Variants in GPC6 observed in about 807,000 individuals in gnomAD.
GPC6 encodes the protein glypican-6.
Under a neutral mutation model 55.2 loss-of-function variants are expected in GPC6, and 14 were observed. That is an observed-to-expected ratio of 0.25 (90% confidence interval 0.17 to 0.40). The LOEUF (loss-of-function observed/expected upper bound fraction) is 0.40. GPC6 is among the 10% of genes least tolerant of loss of function. The pLI, the probability that GPC6 is intolerant of heterozygous loss-of-function variation, is 1.00. For synonymous variants in GPC6, 278 were observed against 259.6 expected (o/e 1.07, Z -0.68); for missense variants, 641 against 708.5 (o/e 0.90, Z 1.08).
intron 4 of GPC6, among the ~76,000 whole-genome samples, chr13:94,077,777 G>T (rs1486175285): frequency 2.6e-5 from 4 of 151,716 alleles, no homozygotes; most frequent in African/African-American, 9.7e-5. Context: ...CATATTTATT[G>T]TTTTGTGTAT....
intron 1 of GPC6, among the ~76,000 whole-genome samples, chr13:93,351,028 AG>A (rs1238216631): frequency 3.9e-5 from 6 of 152,292 alleles, no homozygotes; most frequent in African/African-American, 1.4e-4. Flanking sequence ...TTTTTTATAA[AG>A]TATAACAACA....
chr13:93,724,835 T>C (rs946092087), intron 2 of GPC6, among the ~76,000 whole-genome samples: 1 of 152,050 alleles, frequency 6.6e-6, no homozygotes, highest in Non-Finnish European at 1.5e-5. Context: ...TTCATAGCAG[T>C]ATGATGAAAA....
chr13:94,355,539 G>A lies in GPC6; in HGVS notation c.1153-26875G>A, dbSNP rs183012141. On this transcript the variant is annotated intron_variant, in intron 6 of 8. Coordinates refer to ENST00000377047, the MANE Select transcript of GPC6 (RefSeq NM_005708.5). ...GAGGGAGTCATGTTTCAAGGGAAAA[G>A]TGTGAGACTATCTCTTGTGAAAATG... Among the ~76,000 whole-genome samples the A allele has an allele frequency of 7.4e-3, 1,127 of 152,342 alleles. 9 individuals carry two copies. The highest frequency in any genetic ancestry group is 0.014 in the Middle Eastern group (4 of 294).
rs564954237 is a variant in GPC6, at chr13:94,216,430, T to A, written c.878-69919T>A. ...ACTTCACATTGTGCAAAATACTATG[T>A]AAATATCAACAGTTATTATTATAAA... On this transcript the variant is annotated intron_variant, in intron 4 of 8. Transcript: ENST00000377047. Among the ~76,000 whole-genome samples the A allele has an allele frequency of 6.6e-5, 10 of 152,320 alleles. No individual in the cohort carries two copies. The South Asian group carries it at 2.1e-3, about 32-fold the overall frequency.
chr13:93,230,888 C>G (rs1429593220), intron 1 of GPC6, among the ~76,000 whole-genome samples: 2 of 152,062 alleles, frequency 1.3e-5, no homozygotes, highest in Non-Finnish European at 2.9e-5. Flanking sequence ...CTGTTTTATG[C>G]CTTGAGTCTT....
At chr13:94,280,668 T>G (rs1892352914) in intron 4 of GPC6, among the ~76,000 whole-genome samples, 1 of 152,216 alleles carries the variant, frequency 6.6e-6, no homozygotes, top group Non-Finnish European at 1.5e-5. Context: ...TCACAGTGCT[T>G]TTTAAATTGC....
chr13:94,288,934 G>T (rs372964090), intron 5 of GPC6, among the ~76,000 whole-genome samples: 4,398 of 22,550 alleles, frequency 0.2, 118 homozygotes, highest in East Asian at 0.32. Flanking sequence ...AACAAATATA[G>T]ATAGATAGAT....
At chr13:94,328,894 A>G (rs891127505) in intron 6 of GPC6, among the ~76,000 whole-genome samples, 2 of 152,152 alleles carry the variant, frequency 1.3e-5, no homozygotes, top group African/African-American at 4.8e-5. Flanking sequence ...CCAGGGGTGA[A>G]CTGCAGAGGC....
chr13:93,657,893 C>A (rs917590413), intron 2 of GPC6, among the ~76,000 whole-genome samples: 1 of 151,744 alleles, frequency 6.6e-6, no homozygotes, highest in Admixed American at 6.6e-5. Flanking sequence ...CAAATCAAAA[C>A]CATAAGGAAA....
chr13:93,922,597 C>T (rs1594590534), intron 3 of GPC6, among the ~76,000 whole-genome samples: 1 of 152,112 alleles, frequency 6.6e-6, no homozygotes, highest in Non-Finnish European at 1.5e-5. Flanking sequence ...TTCCTCTTCC[C>T]CCCAGCTATG....
intron 2 of GPC6, among the ~76,000 whole-genome samples, chr13:93,630,209 A>T (rs1415759297): frequency 6.6e-6 from 1 of 152,206 alleles, no homozygotes; most frequent in African/African-American, 2.4e-5. Context: ...TATTAGGCAT[A>T]TCTTCTCAGT....
At chr13:93,601,444 C>A (rs1437716606) in intron 2 of GPC6, among the ~76,000 whole-genome samples, 1 of 152,074 alleles carries the variant, frequency 6.6e-6, no homozygotes, top group Non-Finnish European at 1.5e-5. Context: ...GGACCACTTA[C>A]TTCATACTTT....
chr13:93,309,568 G>C (rs1166196347), intron 1 of GPC6, among the ~76,000 whole-genome samples: 9 of 152,098 alleles, frequency 5.9e-5, no homozygotes, highest in East Asian at 1.9e-4. Context: ...AACTATAATT[G>C]GTAGAGGCAG....
At chr13:93,544,782 C>T (rs2139432947) in intron 1 of GPC6, among the ~76,000 whole-genome samples, 1 of 152,240 alleles carries the variant, frequency 6.6e-6, no homozygotes, top group East Asian at 1.9e-4. Context: ...AACACACTCA[C>T]TTGGACTTAG....
At chr13:93,685,198 C>G (rs1882003431) in intron 2 of GPC6, among the ~76,000 whole-genome samples, 1 of 152,166 alleles carries the variant, frequency 6.6e-6, no homozygotes, top group Non-Finnish European at 1.5e-5. Context: ...GTAGGCAGCA[C>G]AAAGGCCTCA....
At chr13:93,769,125 G>T (rs1417001712) in intron 2 of GPC6, among the ~76,000 whole-genome samples, 1 of 151,948 alleles carries the variant, frequency 6.6e-6, no homozygotes, top group Non-Finnish European at 1.5e-5. Flanking sequence ...TTTTTCTCAG[G>T]GATAAGGTTT....
intron 1 of GPC6, among the ~76,000 whole-genome samples, chr13:93,514,952 A>G (rs1030001446): frequency 1.3e-5 from 2 of 152,200 alleles, no homozygotes; most frequent in Non-Finnish European, 2.9e-5. Context: ...TGTGTCTCCC[A>G]AAATTCATGC....
intron 1 of GPC6, among the ~76,000 whole-genome samples, chr13:93,516,182 T>G (rs1881182416): frequency 6.6e-6 from 1 of 152,006 alleles, no homozygotes. Flanking sequence ...GTAAAAAGAG[T>G]AGAGTAAAAG....
At chr13:94,206,584 C>T (rs948184495) in intron 4 of GPC6, among the ~76,000 whole-genome samples, 8 of 152,116 alleles carry the variant, frequency 5.3e-5, no homozygotes, top group African/African-American at 1.7e-4. Flanking sequence ...CCAGGCACGG[C>T]AGCTCACACC....
Sources: gnomAD v4.1 joint callset for allele counts (sites outside exome capture counted in the v4.1 genomes callset) on GRCh38, gnomAD v4.1.1 for gene constraint, MANE v1.5 for transcripts, NCBI Gene and HGNC (gene_info 2026-07-23, HGNC 2026-07-21) for gene names.